The following GPSM2 variants were observed in gnomAD, a reference collection of about 807,000 sequenced individuals.
GPSM2 encodes G protein-signaling modulator 2.
GPSM2 carries 58 observed loss-of-function variants against 78.4 expected under a neutral mutation model. The observed-to-expected ratio is 0.74, with a 90% CI of 0.60 to 0.92. The LOEUF is 0.92. Among genes scored for constraint, GPSM2 ranks in the 40% least tolerant of loss-of-function variants. The probability of loss-of-function intolerance (pLI) is 0.00; values close to 1 mark genes in which losing one functional copy is unlikely to be tolerated. For synonymous variants in GPSM2, 224 were observed against 280.2 expected (o/e 0.80, Z 2.00); for missense variants, 700 against 815.5 (o/e 0.86, Z 1.73).
At chr1:108,892,819 G>A (rs1468579436) in intron 2 of GPSM2, among the ~76,000 whole-genome samples, 2 of 152,196 alleles carry the variant, frequency 1.3e-5, no homozygotes, top group Non-Finnish European at 2.9e-5. Flanking sequence ...AGGTGTTAGA[G>A]ATTTTTGCCA....
intron 2 of GPSM2, among the ~76,000 whole-genome samples, chr1:108,893,316 G>A (rs980247897): frequency 1.3e-4 from 19 of 151,866 alleles, no homozygotes; most frequent in African/African-American, 3.6e-4. Flanking sequence ...CTAATTTCCC[G>A]GCCAGCAACC....
At chr1:108,892,148 T>A (rs1648017035) in intron 2 of GPSM2, among the ~76,000 whole-genome samples, 1 of 152,024 alleles carries the variant, frequency 6.6e-6, no homozygotes, top group Admixed American at 6.6e-5. Context: ...ATAGAGAAAA[T>A]GGAGAGTAGT....
chr1:108,933,677 T>TA lies in GPSM2; in HGVS notation c.*3738dup, dbSNP rs1652380402. 1 of 152,222 alleles carries TA rather than the reference T, an allele frequency of 6.6e-6. No homozygotes were observed. 9.4% of individuals were successfully genotyped at this position (152,222 alleles called of 1,614,324 possible). On this transcript the variant is annotated 3_prime_UTR_variant, in exon 15 of 15. Coordinates refer to ENST00000264126, the MANE Select transcript of GPSM2 (RefSeq NM_013296.5). ...GTCTGTGAAGTCTGCTAAGGACAGGTACAAAATTTATGCATTGCTTTTTAA... is the reference window on the plus strand; with the variant it reads ...GTCTGTGAAGTCTGCTAAGGACAGGTAACAAAATTTATGCATTGCTTTTTAA...
rs753366137 is a variant in GPSM2 at position 108,901,836 on chromosome 1, G to T, written c.844G>T (p.Ala282Ser). Residue 282 changes from alanine (A) to serine (S), a missense_variant, in exon 8 of 15, where the codon GCA becomes TCA. Transcript: ENST00000264126. ...ACAGCTTAAAGACCGAGCTGTAGAA[G>T]CACAGTCTTGTTACAGTCTTGGAAA... Reference protein sequence around the residue: ...ARQLKDRAVEAQSCYSLGNTY... With the variant: ...ARQLKDRAVESQSCYSLGNTY... The T allele has an allele frequency of 1.9e-5, 31 of 1,612,224 alleles. No individual in the cohort carries two copies. The East Asian group carries it at 6.9e-4, about 36-fold the overall frequency.
chr1:108,903,386 T>C (rs1294924761), intron 9 of GPSM2, 152 bp downstream of exon 9: 1 of 627,054 alleles, frequency 1.6e-6, no homozygotes, highest in East Asian at 2.8e-5. Flanking sequence ...AGAAAGCATT[T>C]TGAGGTACAG....
In GPSM2 at chr1:108,930,163, T is replaced by G; in HGVS notation, c.*223T>G. Reference sequence around the variant, plus strand: ...AAGGTGCTTCATCGTCTGTGATTACTGCTTGGGATGTGTTCTTTGGCAGCT... The same window carrying G: ...AAGGTGCTTCATCGTCTGTGATTACGGCTTGGGATGTGTTCTTTGGCAGCT... On this transcript the variant is annotated 3_prime_UTR_variant, in exon 15 of 15. Coordinates refer to ENST00000264126, the MANE Select transcript of GPSM2 (RefSeq NM_013296.5). The G allele has an allele frequency of 3.9e-6, 2 of 508,686 alleles. No individual in the cohort carries two copies. The highest frequency in any genetic ancestry group is 5.2e-4 in the Middle Eastern group (1 of 1,932). 31.5% of individuals were successfully genotyped at this position (508,686 alleles called of 1,614,324 possible).
chr1:108,928,243 G>C (rs1651298533), intron 14 of GPSM2, among the ~76,000 whole-genome samples: 1 of 152,230 alleles, frequency 6.6e-6, no homozygotes, highest in African/African-American at 2.4e-5. Context: ...CAAAGAACTG[G>C]AAGAGGCATT....
chr1:108,897,149 T>G lies in GPSM2; in HGVS notation c.278+64T>G, dbSNP rs1570900396. 9.1e-6 allele frequency: 11 copies of G among 1,207,280 alleles called. No homozygotes were observed. In the East Asian group the frequency reaches 2.7e-4, roughly 30 times the overall value. The allele number at this position is 1,207,280 out of a possible 1,614,324, so 74.8% of individuals were successfully genotyped here. ...ATTAGCTATTACTTTAAAAAATATT[T>G]CTATTCAATTAACAAAAACTAACTT... On this transcript the variant is annotated intron_variant, in intron 3 of 14. Transcript: ENST00000264126.
At chr1:108,884,550 C>T (rs1366018286) in intron 1 of GPSM2, among the ~76,000 whole-genome samples, 2 of 152,162 alleles carry the variant, frequency 1.3e-5, no homozygotes, top group African/African-American at 4.8e-5. Context: ...ACTATACTGA[C>T]ATTCGTGTTA....
Position 108,902,713 on chromosome 1 carries a change from C to T in GPSM2, c.954-413C>T, listed in dbSNP as rs186279668. ...TACCTCAGTATGAGAGAGAACTTTT[C>T]GATGCAGATGTTCAAAATGAAGTAT... On this transcript the variant is annotated intron_variant, in intron 8 of 14. Coordinates refer to ENST00000264126, the MANE Select transcript of GPSM2 (RefSeq NM_013296.5). Among the ~76,000 whole-genome samples, 17 of 152,192 alleles carry T rather than the reference C, an allele frequency of 1.1e-4. No homozygotes were observed. The East Asian group carries it at 2.3e-3, about 21-fold the overall frequency.
At position 108,887,157 on chromosome 1, in the gene GPSM2, G is replaced by A. The variant is rs530979494; in HGVS notation, c.56+1579G>A. Among the ~76,000 whole-genome samples the A allele has an allele frequency of 1.1e-3, 163 of 152,244 alleles. 1 individual carries two copies. The highest frequency in any genetic ancestry group is 6.8e-3 in the Middle Eastern group (2 of 292). On this transcript the variant is annotated intron_variant, in intron 2 of 14. Transcript: ENST00000264126. ...CCCGCCTTGGCCTCCCAAAGTGCTG[G>A]GATTATAGGCATGAGCCACCAAGCC...
chr1:108,908,896 C>T (rs950037874), intron 10 of GPSM2, among the ~76,000 whole-genome samples: 2 of 150,626 alleles, frequency 1.3e-5, no homozygotes, highest in Non-Finnish European at 1.5e-5. Flanking sequence ...CCCAGCTACT[C>T]GGGAAGCTGA....
intron 12 of GPSM2, among the ~76,000 whole-genome samples, chr1:108,921,487 C>G (rs1030808765): frequency 1.3e-5 from 2 of 152,046 alleles, no homozygotes; most frequent in African/African-American, 4.8e-5. Flanking sequence ...TCAATAGGTA[C>G]CTGAACTGAT....
At chr1:108,918,222 A>G (rs1047282801) in intron 11 of GPSM2, among the ~76,000 whole-genome samples, 3 of 152,146 alleles carry the variant, frequency 2.0e-5, no homozygotes, top group African/African-American at 7.2e-5. Context: ...TTATATATTA[A>G]TTTTTATGTT....
At chr1:108,915,189 G>C (rs1650088636) in intron 11 of GPSM2, among the ~76,000 whole-genome samples, 1 of 151,442 alleles carries the variant, frequency 6.6e-6, no homozygotes. Flanking sequence ...TGGCCAACAT[G>C]GTGAAACCCT....
chr1:108,909,902 C>CAAAAAAAA (rs34151964), intron 10 of GPSM2: 32 of 50,550 alleles, frequency 6.3e-4, no homozygotes, highest in Non-Finnish European at 9.1e-4. Context: ...ACGCCATCTC[C>CAAAAAAAA]AAAAAAAAAA....
In GPSM2 at chr1:108,896,793, A is replaced by G. The variant is rs900826622; in HGVS notation, c.57-71A>G. 136 of 1,148,018 alleles carry G rather than the reference A, an allele frequency of 1.2e-4. No homozygotes were observed. In the African/African-American group the frequency reaches 1.7e-3, roughly 15 times the overall value. The allele number at this position is 1,148,018 out of a possible 1,614,324, so 71.1% of individuals were successfully genotyped here. A position where few individuals can be genotyped will look rare whatever the true frequency, so the allele number is the denominator to read the frequency against. On this transcript the variant is annotated intron_variant, in intron 2 of 14. Transcript: ENST00000264126. ...CAAGAGTAGCCGCTTAAATTATATT[A>G]CGGGAAGTTAAAAATACTGTGATGC...
chr1:108,879,557 G>A (rs1665794248), intron 1 of GPSM2, among the ~76,000 whole-genome samples: 3 of 152,200 alleles, frequency 2.0e-5, no homozygotes, highest in East Asian at 1.9e-4. Context: ...GGCTGAGGCC[G>A]GGTACGGTGG....
chr1:108,897,774 AT>A, intron 4 of GPSM2, 147 bp downstream of exon 4: 1 of 956,056 alleles, frequency 1.0e-6, no homozygotes. Context: ...AAGAAAAAAA[AT>A]TTAATGGAGA....
Sources: allele counts gnomAD v4.1 joint callset (sites outside exome capture counted in the v4.1 genomes callset), GRCh38; gene constraint gnomAD v4.1.1; transcripts MANE v1.5; gene names NCBI Gene and HGNC (gene_info 2026-07-23, HGNC 2026-07-21).